Variants in NKAIN3 observed in about 807,000 individuals in gnomAD.
The protein encoded by NKAIN3 is sodium/potassium-transporting ATPase subunit beta-1-interacting protein 3.
Under a neutral mutation model 30.2 loss-of-function variants are expected in NKAIN3, and 25 were observed. That is an observed-to-expected ratio of 0.83 (90% confidence interval 0.60 to 1.16). The LOEUF (loss-of-function observed/expected upper bound fraction) is 1.16, where lower values mean the gene tolerates loss of function less well. Ranked by LOEUF, NKAIN3 falls within the 50% of genes most tolerant of loss-of-function variation. The pLI, the probability that NKAIN3 is intolerant of heterozygous loss-of-function variation, is 0.00. For synonymous variants in NKAIN3, 91 were observed against 89.6 expected (o/e 1.02, Z -0.09); for missense variants, 225 against 254.1 (o/e 0.89, Z 0.78).
intron 1 of NKAIN3, among the ~76,000 whole-genome samples, chr8:62,396,893 C>G (rs1817782682): frequency 6.6e-6 from 1 of 152,208 alleles, no homozygotes; most frequent in African/African-American, 2.4e-5. Context: ...GATGTCTGAA[C>G]TTCCCTGACC....
chr8:62,794,213 C>T (rs906005995), intron 4 of NKAIN3, among the ~76,000 whole-genome samples: 1 of 152,132 alleles, frequency 6.6e-6, no homozygotes, highest in African/African-American at 2.4e-5. Context: ...AGTAAGGTGG[C>T]TTGACTAGTA....
At position 62,254,275 on chromosome 8, in the gene NKAIN3, G is replaced by T. The variant is rs558809417; in HGVS notation, c.54+5148G>T. Among the ~76,000 whole-genome samples, 9 of 151,786 alleles carry T rather than the reference G, an allele frequency of 5.9e-5. No homozygotes were observed. The South Asian group carries it at 1.9e-3, about 32-fold the overall frequency. ...TTAAGATTCTGAGACTTGAGGCCAA[G>T]TAGCTGTCAGGTACATGAGTGTGGA... is the stretch of plus-strand genomic sequence containing the variant. On this transcript the variant is annotated intron_variant, in intron 1 of 6. Transcript: ENST00000623646.
chr8:62,346,654 A>G (rs1346345252), intron 1 of NKAIN3, among the ~76,000 whole-genome samples: 2 of 152,076 alleles, frequency 1.3e-5, no homozygotes, highest in Non-Finnish European at 2.9e-5. Flanking sequence ...GAGTCTACCA[A>G]AGCCTTTACT....
chr8:62,438,518 T>A (rs926054518), intron 1 of NKAIN3, among the ~76,000 whole-genome samples: 4 of 152,244 alleles, frequency 2.6e-5, no homozygotes, highest in Admixed American at 2.6e-4. Flanking sequence ...CTGCTCTGGC[T>A]CCCACTCGTA....
chr8:62,458,466 A>G (rs570821688), intron 1 of NKAIN3, among the ~76,000 whole-genome samples: 2 of 152,330 alleles, frequency 1.3e-5, no homozygotes, highest in African/African-American at 2.4e-5. Context: ...ATCCAACCCT[A>G]TGACAACAGT....
At chr8:62,929,902 G>A (rs369856827) in intron 5 of NKAIN3, among the ~76,000 whole-genome samples, 39 of 151,728 alleles carry the variant, frequency 2.6e-4, no homozygotes, top group Admixed American at 1.5e-3. Context: ...TTTTATGTGC[G>A]GCCCAAGACA....
In NKAIN3 at chr8:62,548,652, TTG is replaced by T. The variant is rs1259529963; in HGVS notation, c.55-30884_55-30883del. Among the ~76,000 whole-genome samples, 3 of 152,216 alleles carry T rather than the reference TTG, an allele frequency of 2.0e-5. No homozygotes were observed. In the East Asian group the frequency reaches 5.8e-4, roughly 29 times the overall value. ...GGAGTAAAATGTCAGAAAATAAAAATTGTGAAAATTCTAACATGGAAATTTTA... is the reference window on the plus strand; with the variant it reads ...GGAGTAAAATGTCAGAAAATAAAAATTGAAAATTCTAACATGGAAATTTTA... On this transcript the variant is annotated intron_variant, in intron 1 of 6. Transcript: ENST00000623646.
At chr8:62,965,166 T>C (rs1823672872) in intron 6 of NKAIN3, among the ~76,000 whole-genome samples, 188 bp from the exon 7 acceptor site, 1 of 152,168 alleles carries the variant, frequency 6.6e-6, no homozygotes, top group Admixed American at 6.5e-5. Context: ...CTGATGATGA[T>C]GCCCGATTAC....
rs1222527259 is a variant in NKAIN3, at chr8:62,730,759, C to T, written c.274-16173C>T. Among the ~76,000 whole-genome samples, 3 of 152,126 alleles carry T rather than the reference C, an allele frequency of 2.0e-5. No homozygotes were observed. In the East Asian group the frequency reaches 5.8e-4, roughly 29 times the overall value. On this transcript the variant is annotated intron_variant, in intron 3 of 6. Coordinates refer to ENST00000623646, the MANE Select transcript of NKAIN3 (RefSeq NM_001304533.3). ...TCATCAACTCAGTTATCTTGATATA[C>T]AATTTCTTACTGCAAAAGCAAAATA...
At chr8:62,278,377 T>C (rs1306378021) in intron 1 of NKAIN3, among the ~76,000 whole-genome samples, 1 of 99,204 alleles carries the variant, frequency 1.0e-5, no homozygotes, top group Non-Finnish European at 2.3e-5. Context: ...GAGATCCTAC[T>C]GCTGGTTTTT....
At chr8:62,529,023 C>T (rs1431246775) in intron 1 of NKAIN3, among the ~76,000 whole-genome samples, 2 of 152,118 alleles carry the variant, frequency 1.3e-5, no homozygotes, top group East Asian at 3.9e-4. Flanking sequence ...GAAACCAAGG[C>T]CCCTTTTCAT....
intron 4 of NKAIN3, among the ~76,000 whole-genome samples, chr8:62,911,489 G>A (rs767396221): frequency 3.9e-5 from 6 of 152,022 alleles, no homozygotes; most frequent in South Asian, 4.2e-4. Flanking sequence ...AGAACTCCTC[G>A]TTCGGAAATT....
intron 1 of NKAIN3, among the ~76,000 whole-genome samples, chr8:62,563,352 A>G (rs1809648861): frequency 6.6e-6 from 1 of 152,124 alleles, no homozygotes; most frequent in Non-Finnish European, 1.5e-5. Flanking sequence ...AGCAATATTG[A>G]CAGATTGTTT....
intron 1 of NKAIN3, among the ~76,000 whole-genome samples, chr8:62,358,898 A>G (rs1482973124): frequency 6.6e-6 from 1 of 152,156 alleles, no homozygotes; most frequent in Non-Finnish European, 1.5e-5. Flanking sequence ...AAAATATTCT[A>G]TGGCCGGGCG....
chr8:62,938,350 C>T (rs10095828), intron 5 of NKAIN3, among the ~76,000 whole-genome samples: 10,744 of 152,130 alleles, frequency 0.071, 389 homozygotes, highest in South Asian at 0.13. Flanking sequence ...AAGGAGAAAA[C>T]AACAGCTAAT....
chr8:62,977,362 TC>T lies in NKAIN3; in HGVS notation c.*11958del, dbSNP rs1388930018. On this transcript the variant is annotated 3_prime_UTR_variant, in exon 7 of 7. Coordinates refer to ENST00000623646, the MANE Select transcript of NKAIN3 (RefSeq NM_001304533.3). ...ACGTTGGCTTGGTCTTTTCACATAG[TC>T]CCATATTTCTGAGAGGTTCTGTTCA... Among the ~76,000 whole-genome samples the T allele has an allele frequency of 6.6e-6, 1 of 152,102 alleles. No homozygotes were observed. The highest frequency in any genetic ancestry group is 1.9e-4 in the East Asian group (1 of 5,166).
At chr8:62,803,220 GC>G (rs1242346133) in intron 4 of NKAIN3, among the ~76,000 whole-genome samples, 1 of 151,992 alleles carries the variant, frequency 6.6e-6, no homozygotes, top group Non-Finnish European at 1.5e-5. Context: ...CAGAAAGTTA[GC>G]AAGGATACCC....
chr8:62,908,588 C>T (rs1821847884), intron 4 of NKAIN3, among the ~76,000 whole-genome samples: 1 of 152,150 alleles, frequency 6.6e-6, no homozygotes, highest in African/African-American at 2.4e-5. Context: ...ATGCTGTTCT[C>T]ATGATAGTGA....
At chr8:62,912,909 C>CAA (rs111620337) in intron 4 of NKAIN3, among the ~76,000 whole-genome samples, 1 of 146,066 alleles carries the variant, frequency 6.8e-6, no homozygotes, top group Admixed American at 6.8e-5. Flanking sequence ...AACTCTGTCT[C>CAA]AAAAAAAAAA....
Sources: allele counts gnomAD v4.1 joint callset (sites outside exome capture counted in the v4.1 genomes callset), GRCh38; gene constraint gnomAD v4.1.1; transcripts MANE v1.5; gene names NCBI Gene and HGNC (gene_info 2026-07-23, HGNC 2026-07-21).